Variants in ZNF407 observed in about 807,000 individuals in gnomAD.
The protein encoded by ZNF407 is zinc finger protein 407.
A neutral mutation model predicts 131.2 loss-of-function variants in ZNF407; 17 were observed. The ratio of observed to expected loss-of-function variants is 0.13; its 90% CI spans 0.09 to 0.19. ZNF407 has a LOEUF of 0.19. Among genes scored for constraint, ZNF407 ranks in the 10% least tolerant of loss-of-function variants. The pLI, the probability that ZNF407 is intolerant of heterozygous loss-of-function variation, is 1.00. For missense variants in ZNF407, 2,681 were observed against 2,830.6 expected (o/e 0.95, Z 1.20); for synonymous variants, 1,156 against 1,062.0 (o/e 1.09, Z -1.72).
chr18:74,950,344 C>G (rs1972199939), intron 8 of ZNF407, among the ~76,000 whole-genome samples: 1 of 152,200 alleles, frequency 6.6e-6, no homozygotes, highest in Admixed American at 6.5e-5. Flanking sequence ...AGGTAATTCA[C>G]AAGATGGAAA....
At chr18:74,765,645 A>G (rs1194807233) in intron 3 of ZNF407, among the ~76,000 whole-genome samples, 1 of 152,054 alleles carries the variant, frequency 6.6e-6, no homozygotes, top group Non-Finnish European at 1.5e-5. Flanking sequence ...TTCTTCATAT[A>G]TATGTGTCTT....
At chr18:74,823,027 C>A (rs186406720) in intron 4 of ZNF407, among the ~76,000 whole-genome samples, 1 of 152,078 alleles carries the variant, frequency 6.6e-6, no homozygotes, top group Admixed American at 6.5e-5. Context: ...CTCTTTGTAG[C>A]GATTGTGAAT....
chr18:74,777,232 T>A (rs975556775), intron 3 of ZNF407, among the ~76,000 whole-genome samples: 1 of 152,074 alleles, frequency 6.6e-6, no homozygotes, highest in Admixed American at 6.5e-5. Flanking sequence ...TTTTTTTTTT[T>A]AAACTGGAGT....
At chr18:74,939,769 A>G (rs1252149990) in intron 8 of ZNF407, among the ~76,000 whole-genome samples, 1 of 152,246 alleles carries the variant, frequency 6.6e-6, no homozygotes. Context: ...ATGCTGTTAA[A>G]ACTATTCTCA....
chr18:74,775,397 T>C (rs1969447660), intron 3 of ZNF407, among the ~76,000 whole-genome samples: 1 of 152,214 alleles, frequency 6.6e-6, no homozygotes, highest in Non-Finnish European at 1.5e-5. Context: ...CCATACAATG[T>C]TTATTTAAAT....
intron 4 of ZNF407, among the ~76,000 whole-genome samples, chr18:74,820,124 C>A (rs1222661613): frequency 6.6e-6 from 1 of 152,132 alleles, no homozygotes; most frequent in Non-Finnish European, 1.5e-5. Flanking sequence ...TGAATAGAAT[C>A]GATTTTCCAG....
At chr18:74,804,613 A>G in intron 4 of ZNF407, 4 of 984,484 alleles carry the variant, frequency 4.1e-6, no homozygotes, top group Non-Finnish European at 4.8e-6. Flanking sequence ...AGTAATTAAA[A>G]TGCTGATTAC....
intron 6 of ZNF407, among the ~76,000 whole-genome samples, chr18:74,886,146 G>C (rs1269965499): frequency 6.6e-6 from 1 of 152,134 alleles, no homozygotes; most frequent in Non-Finnish European, 1.5e-5. Context: ...TTTTAAAAAT[G>C]AGTCAAAAAG....
At chr18:74,714,133 C>T (rs367630243) in intron 3 of ZNF407, among the ~76,000 whole-genome samples, 8 of 152,156 alleles carry the variant, frequency 5.3e-5, no homozygotes, top group Non-Finnish European at 2.9e-5. Flanking sequence ...GAATTTGAAT[C>T]GCTTATTATA....
rs1316141161 is a variant in ZNF407 at position 74,857,761 on chromosome 18, T to G, written c.4878-19436T>G. Reference sequence around the variant, plus strand: ...AGTACTGAGTACTTGAATCCTTTTGTCCATGTACTTTTATTGTTTGATTAT... The same window carrying G: ...AGTACTGAGTACTTGAATCCTTTTGGCCATGTACTTTTATTGTTTGATTAT... On this transcript the variant is annotated intron_variant, in intron 4 of 8. Transcript: ENST00000299687. Among the ~76,000 whole-genome samples the G allele has an allele frequency of 9.2e-5, 14 of 152,304 alleles. No homozygotes were observed. The East Asian group carries it at 2.7e-3, about 29-fold the overall frequency.
chr18:74,961,712 CAATTA>C (rs1972347409), intron 8 of ZNF407, among the ~76,000 whole-genome samples: 1 of 136,540 alleles, frequency 7.3e-6, no homozygotes, highest in African/African-American at 3.0e-5. Flanking sequence ...GAGACTGTCT[CAATTA>C]AAAAAAAAAA....
chr18:74,601,708 AACTC>A (rs1179982037), intron 1 of ZNF407, among the ~76,000 whole-genome samples: 3 of 152,114 alleles, frequency 2.0e-5, no homozygotes, highest in South Asian at 2.1e-4. Flanking sequence ...GTCACATGGG[AACTC>A]ACTCACCATC....
At chr18:74,817,437 G>A (rs936923510) in intron 4 of ZNF407, among the ~76,000 whole-genome samples, 10 of 152,024 alleles carry the variant, frequency 6.6e-5, no homozygotes, top group African/African-American at 2.2e-4. Flanking sequence ...TTTGTGGTTG[G>A]CATTTTTCCC....
chr18:74,639,673 T>C (rs1984618450), intron 2 of ZNF407, among the ~76,000 whole-genome samples: 1 of 152,198 alleles, frequency 6.6e-6, no homozygotes, highest in Non-Finnish European at 1.5e-5. Context: ...ATGGAAATAT[T>C]AAGAGATCTG....
At chr18:74,751,853 G>A (rs994025647) in intron 3 of ZNF407, among the ~76,000 whole-genome samples, 12 of 152,168 alleles carry the variant, frequency 7.9e-5, no homozygotes, top group African/African-American at 2.9e-4. Flanking sequence ...TGTCTTTATA[G>A]CAAGCTGATT....
At chr18:74,601,351 G>GTGTA (rs1982576785) in intron 1 of ZNF407, among the ~76,000 whole-genome samples, 1 of 151,700 alleles carries the variant, frequency 6.6e-6, no homozygotes, top group South Asian at 2.1e-4. Flanking sequence ...GTGTGTGTGT[G>GTGTA]TGTGTGTGTG....
intron 8 of ZNF407, among the ~76,000 whole-genome samples, chr18:74,978,383 G>A (rs7227908): frequency 0.037 from 5,614 of 152,106 alleles, 319 homozygotes; most frequent in African/African-American, 0.12. Flanking sequence ...GAGGGGTAAC[G>A]TAATTAGATA....
At chr18:74,802,280 A>G (rs1309187603) in intron 4 of ZNF407, among the ~76,000 whole-genome samples, 1 of 152,116 alleles carries the variant, frequency 6.6e-6, no homozygotes, top group Non-Finnish European at 1.5e-5. Context: ...TGGCCTTTTA[A>G]CCTATTGTTT....
chr18:74,780,210 G>T (rs1969571647), intron 3 of ZNF407, among the ~76,000 whole-genome samples: 1 of 152,200 alleles, frequency 6.6e-6, no homozygotes, highest in East Asian at 1.9e-4. Flanking sequence ...GAATAAAGAA[G>T]TCATGGTCAT....
Sources: allele counts gnomAD v4.1 joint callset (sites outside exome capture counted in the v4.1 genomes callset), GRCh38; gene constraint gnomAD v4.1.1; transcripts MANE v1.5; gene names NCBI Gene and HGNC (gene_info 2026-07-23, HGNC 2026-07-21).